The following SETDB2 variants were observed in gnomAD, a reference collection of about 807,000 sequenced individuals.
SETDB2 encodes the protein SET domain bifurcated histone lysine methyltransferase 2.
SETDB2 carries 56 observed loss-of-function variants against 82.5 expected under a neutral mutation model. That is an observed-to-expected ratio of 0.68 (90% CI 0.55 to 0.85). SETDB2 has a LOEUF of 0.85. Among genes scored for constraint, SETDB2 ranks in the 40% least tolerant of loss-of-function variants. The pLI, the probability that SETDB2 is intolerant of heterozygous loss-of-function variation, is 0.00. For synonymous variants in SETDB2, 272 were observed against 284.9 expected (o/e 0.95, Z 0.46); for missense variants, 677 against 816.4 (o/e 0.83, Z 2.08).
Position 49,494,892 on chromosome 13 carries a change from TA to T in SETDB2, c.*3044del, listed in dbSNP as rs977754092. The T allele has an allele frequency of 6.6e-6, 1 of 152,152 alleles. No individual in the cohort carries two copies. Among genetic ancestry groups the T allele is most frequent in the African/African-American group, 2.4e-5 (1 of 41,422 alleles). The allele number at this position is 152,152 out of a possible 1,614,324, so 9.4% of individuals were successfully genotyped here. On this transcript the variant is annotated 3_prime_UTR_variant, in exon 14 of 14. Transcript: ENST00000611815. ...TATATGTCTTTTTTCCAGAACAACT[TA>T]TTTTTTAACTATAATTATATGCATT...
rs112754559 is a variant in SETDB2 at position 49,476,184 on chromosome 13, G to T, written c.306-292G>T. Among the ~76,000 whole-genome samples, 747 of 152,286 alleles carry T rather than the reference G, an allele frequency of 4.9e-3. 1 individual carries two copies. Among genetic ancestry groups the T allele is most frequent in the African/African-American group, 0.015 (634 of 41,552 alleles). ...CGTGCCTATACCAGCTATTTGGGAA[G>T]CTGAGGCAGGAGGATCACTTGGGGA... On this transcript the variant is annotated intron_variant, in intron 5 of 13. Transcript: ENST00000611815.
chr13:49,493,052 C>G lies in SETDB2; in HGVS notation c.*1203C>G, dbSNP rs1958742820. 6.7e-6 allele frequency: 1 copy of G among 148,656 alleles called. No individual in the cohort carries two copies. Among genetic ancestry groups the G allele is most frequent in the South Asian group, 2.1e-4 (1 of 4,678 alleles). 9.2% of individuals were successfully genotyped at this position (148,656 alleles called of 1,614,324 possible). On this transcript the variant is annotated 3_prime_UTR_variant, in exon 14 of 14. Coordinates refer to ENST00000611815, the MANE Select transcript of SETDB2 (RefSeq NM_001160308.3). ...TATCTCCTGGGCATGATTTGCAAAT[C>G]TTTTTTTTTTACAGAAAAAAGGCAA...
chr13:49,490,746 T>C, intron 12 of SETDB2, 76 bp from the exon 13 acceptor site: 1 of 1,012,422 alleles, frequency 9.9e-7, no homozygotes, highest in Non-Finnish European at 1.5e-6. Context: ...AAAAACAGAA[T>C]GGTTTTCTAA....
At chr13:49,482,047 TC>T in intron 8 of SETDB2, 1 of 985,292 alleles carries the variant, frequency 1.0e-6, no homozygotes, top group Non-Finnish European at 1.2e-6. Context: ...ATTCTACACA[TC>T]CTGCCTAGAC....
At chr13:49,478,056 GC>G (rs1170297361) in intron 6 of SETDB2, among the ~76,000 whole-genome samples, 2 of 151,812 alleles carry the variant, frequency 1.3e-5, no homozygotes, top group African/African-American at 4.8e-5. Context: ...CCCATACTTG[GC>G]AAAAAAAGAA....
At chr13:49,449,572 T>C (rs1957751170) in intron 1 of SETDB2, among the ~76,000 whole-genome samples, 1 of 152,214 alleles carries the variant, frequency 6.6e-6, no homozygotes, top group Non-Finnish European at 1.5e-5. Flanking sequence ...TTGTTCATTT[T>C]TTTTTAAGTT....
chr13:49,488,078 GGTTT>G (rs1199101963), intron 11 of SETDB2, among the ~76,000 whole-genome samples: 2 of 152,146 alleles, frequency 1.3e-5, no homozygotes, highest in African/African-American at 2.4e-5. Context: ...AACATTTCTA[GGTTT>G]GTTACCCCAG....
At chr13:49,467,834 ATTTG>A in intron 4 of SETDB2, 26 bp from the exon 5 acceptor site, 2 of 1,542,436 alleles carry the variant, frequency 1.3e-6, no homozygotes, top group Non-Finnish European at 8.9e-7. Context: ...AACTTGGTAT[ATTTG>A]TTGCTCACAT....
intron 6 of SETDB2, among the ~76,000 whole-genome samples, chr13:49,477,578 G>A (rs1014700376): frequency 6.6e-6 from 1 of 152,144 alleles, no homozygotes; most frequent in African/African-American, 2.4e-5. Context: ...CTTTAATCTA[G>A]TACTAATACA....
chr13:49,484,881 T>C (rs1958563633), intron 10 of SETDB2, among the ~76,000 whole-genome samples: 1 of 152,216 alleles, frequency 6.6e-6, no homozygotes, highest in African/African-American at 2.4e-5. Flanking sequence ...TTGGCCATGG[T>C]GTCACACAGA....
intron 5 of SETDB2, among the ~76,000 whole-genome samples, chr13:49,469,548 C>T (rs1331346261): frequency 6.6e-6 from 1 of 152,164 alleles, no homozygotes; most frequent in Non-Finnish European, 1.5e-5. Context: ...TTGATGCCTT[C>T]TTCTAGAGAT....
intron 12 of SETDB2, 81 bp downstream of exon 12, chr13:49,488,711 C>A: frequency 3.4e-6 from 4 of 1,174,150 alleles, no homozygotes; most frequent in Non-Finnish European, 3.6e-6. Flanking sequence ...GGAAAATAAA[C>A]AGACTCTAAA....
intron 8 of SETDB2, chr13:49,482,392 TA>T (rs1594173626): frequency 1.1e-6 from 1 of 872,896 alleles, no homozygotes; most frequent in Non-Finnish European, 1.4e-6. Flanking sequence ...CCTTTTTAAC[TA>T]GACATAAAAG....
chr13:49,487,286 TTTAAAG>T (rs1231009045), intron 11 of SETDB2, among the ~76,000 whole-genome samples: 7 of 152,144 alleles, frequency 4.6e-5, no homozygotes, highest in Non-Finnish European at 8.8e-5. Context: ...TTGTGGCTCT[TTTAAAG>T]TAAGTAATTT....
intron 10 of SETDB2, among the ~76,000 whole-genome samples, 170 bp from the exon 11 acceptor site, chr13:49,485,460 A>G (rs1323088600): frequency 2.0e-5 from 3 of 152,186 alleles, no homozygotes; most frequent in Admixed American, 6.5e-5. Flanking sequence ...AGGGGATGAC[A>G]CTTGTTGACT....
chr13:49,471,935 T>TATATATATATATATATA (rs561242564), intron 5 of SETDB2, among the ~76,000 whole-genome samples: 24 of 99,760 alleles, frequency 2.4e-4, no homozygotes, highest in South Asian at 1.4e-3. Flanking sequence ...TATATATATA[T>TATATATATATATATATA]TTTTTTTTTT....
intron 5 of SETDB2, 25 bp downstream of exon 5, chr13:49,467,985 T>A (rs757266103): frequency 3.3e-6 from 5 of 1,493,380 alleles, no homozygotes; most frequent in Non-Finnish European, 3.7e-6. Flanking sequence ...TCTTTGTTAT[T>A]AATGCTTTTG....
rs4941643 is a variant in SETDB2, at chr13:49,494,251, G to A, written c.*2402G>A. 78,999 of 151,772 alleles carry A rather than the reference G, an allele frequency of 0.52. 20,652 individuals are homozygous for A. Among genetic ancestry groups the A allele is most frequent in the Middle Eastern group, 0.58 (171 of 294 alleles). The allele number at this position is 151,772 out of a possible 1,614,324, so 9.4% of individuals were successfully genotyped here. A position where few individuals can be genotyped will look rare whatever the true frequency, so the allele number is the denominator to read the frequency against. ...TTAATAGCATCCTATTTTGGCTCAT[G>A]GTTGCAGTATTTTATCTCCTTGAAG... is the stretch of plus-strand genomic sequence containing the variant. On this transcript the variant is annotated 3_prime_UTR_variant, in exon 14 of 14. Coordinates refer to ENST00000611815, the MANE Select transcript of SETDB2 (RefSeq NM_001160308.3).
intron 5 of SETDB2, among the ~76,000 whole-genome samples, chr13:49,473,417 G>T (rs1329945364): frequency 2.0e-5 from 3 of 151,904 alleles, no homozygotes; most frequent in Non-Finnish European, 2.9e-5. Flanking sequence ...TGGGCTTTGT[G>T]ACGCATGCCT....
Sources: allele counts gnomAD v4.1 joint callset (sites outside exome capture counted in the v4.1 genomes callset), GRCh38; gene constraint gnomAD v4.1.1; transcripts MANE v1.5; gene names NCBI Gene and HGNC (gene_info 2026-07-23, HGNC 2026-07-21).